The following TAF3 variants were observed in gnomAD, a reference collection of about 807,000 sequenced individuals.
TAF3 encodes transcription initiation factor TFIID subunit 3.
A neutral mutation model predicts 80.6 loss-of-function variants in TAF3; 7 were observed. The ratio of observed to expected loss-of-function variants is 0.09; its 90% CI spans 0.05 to 0.16. The LOEUF is 0.16. Among genes scored for constraint, TAF3 ranks in the 10% least tolerant of loss-of-function variants. TAF3 has a pLI of 1.00. For synonymous variants in TAF3, 444 were observed against 446.1 expected (o/e 1.00, Z 0.06); for missense variants, 921 against 1,140.2 (o/e 0.81, Z 2.77).
At chr10:7,924,947 C>G (rs1186046676) in intron 2 of TAF3, among the ~76,000 whole-genome samples, 2 of 152,100 alleles carry the variant, frequency 1.3e-5, no homozygotes, top group East Asian at 3.8e-4. Flanking sequence ...AGTTTAGTTT[C>G]CTGATACCTT....
chr10:7,843,465 A>C (rs1836939114), intron 2 of TAF3, among the ~76,000 whole-genome samples: 1 of 152,120 alleles, frequency 6.6e-6, no homozygotes, highest in Non-Finnish European at 1.5e-5. Flanking sequence ...ATCTGCTTTT[A>C]GTTGTAGTCA....
chr10:7,927,062 A>T (rs900317842), intron 2 of TAF3, among the ~76,000 whole-genome samples: 2 of 152,230 alleles, frequency 1.3e-5, no homozygotes, highest in Non-Finnish European at 2.9e-5. Context: ...TGGGATAACT[A>T]GGTGACTTAT....
chr10:7,865,627 G>T (rs1310960162), intron 2 of TAF3, among the ~76,000 whole-genome samples: 1 of 152,222 alleles, frequency 6.6e-6, no homozygotes, highest in East Asian at 1.9e-4. Context: ...TAGCAGCCCC[G>T]GCAGGGTGGA....
At chr10:7,820,086 T>C (rs977133583) in intron 1 of TAF3, among the ~76,000 whole-genome samples, 1 of 152,236 alleles carries the variant, frequency 6.6e-6, no homozygotes, top group Non-Finnish European at 1.5e-5. Flanking sequence ...GCTACCTGCC[T>C]TTTCCAAAAT....
chr10:7,878,134 A>G (rs887245252), intron 2 of TAF3, among the ~76,000 whole-genome samples: 1 of 152,216 alleles, frequency 6.6e-6, no homozygotes, highest in Non-Finnish European at 1.5e-5. Context: ...TTAAAACAAT[A>G]CATTTAATCA....
At chr10:7,931,557 T>C (rs1185518124) in intron 2 of TAF3, among the ~76,000 whole-genome samples, 7 of 152,198 alleles carry the variant, frequency 4.6e-5, no homozygotes, top group Non-Finnish European at 8.8e-5. Flanking sequence ...ATAATGAAAC[T>C]GTAAAATAAA....
intron 3 of TAF3, among the ~76,000 whole-genome samples, chr10:7,973,965 T>C: frequency 6.6e-6 from 1 of 151,848 alleles, no homozygotes; most frequent in African/African-American, 2.4e-5. Context: ...CTGTCTCTAA[T>C]ACAAATACAA....
intron 2 of TAF3, among the ~76,000 whole-genome samples, chr10:7,959,037 G>T (rs1838164015): frequency 6.6e-6 from 1 of 151,972 alleles, no homozygotes; most frequent in African/African-American, 2.4e-5. Flanking sequence ...CTACTTGGGA[G>T]GCTGAGGCAG....
chr10:7,876,604 C>T (rs546400957), intron 2 of TAF3, among the ~76,000 whole-genome samples: 5 of 152,174 alleles, frequency 3.3e-5, no homozygotes, highest in African/African-American at 9.6e-5. Context: ...TAGGTGAGCA[C>T]CGTATACAGA....
chr10:7,846,115 C>G (rs958195943), intron 2 of TAF3, among the ~76,000 whole-genome samples: 1 of 151,984 alleles, frequency 6.6e-6, no homozygotes, highest in African/African-American at 2.4e-5. Flanking sequence ...CCCGCCACCA[C>G]GCCTAGCTAA....
chr10:7,996,218 G>A (rs1395109135), intron 4 of TAF3, among the ~76,000 whole-genome samples: 2 of 152,168 alleles, frequency 1.3e-5, no homozygotes, highest in East Asian at 3.9e-4. Flanking sequence ...GGGACCATAG[G>A]CATCCAGAGG....
At position 7,948,443 on chromosome 10, in the gene TAF3, A is replaced by G. The variant is rs75398826; in HGVS notation, c.410-15477A>G. ...TATATGATGGATGTGATAACTTTCT[A>G]TTATTACTCATAGATGGATGAACTG... is the stretch of plus-strand genomic sequence containing the variant. On this transcript the variant is annotated intron_variant, in intron 2 of 6. Transcript: ENST00000344293. Among the ~76,000 whole-genome samples, 837 of 152,252 alleles carry G rather than the reference A, an allele frequency of 5.5e-3. 8 individuals are homozygous for G. The highest frequency in any genetic ancestry group is 0.019 in the African/African-American group (796 of 41,532).
chr10:7,945,655 G>A (rs1270000139), intron 2 of TAF3, among the ~76,000 whole-genome samples: 4 of 151,994 alleles, frequency 2.6e-5, no homozygotes, highest in African/African-American at 4.8e-5. Flanking sequence ...TGTCCCAGCA[G>A]CAAGGGTGTG....
chr10:7,847,357 C>T (rs540385875), intron 2 of TAF3, among the ~76,000 whole-genome samples: 2 of 152,202 alleles, frequency 1.3e-5, no homozygotes, highest in Non-Finnish European at 2.9e-5. Context: ...AGAACCTAGA[C>T]CATCCTGTTC....
rs545733806 is a variant in TAF3, at chr10:7,938,640, A to G, written c.410-25280A>G. On this transcript the variant is annotated intron_variant, in intron 2 of 6. Coordinates refer to ENST00000344293, the MANE Select transcript of TAF3 (RefSeq NM_031923.4). The stretch of plus-strand genomic sequence containing the variant: ...CTGTTGAATTTGAAATGATAGTGAA[A>G]TAGTCAAGCCAAGATGCCTAGTAGG... Among the ~76,000 whole-genome samples, 4 of 152,342 alleles carry G rather than the reference A, an allele frequency of 2.6e-5. No homozygotes were observed. In the East Asian group the frequency reaches 7.7e-4, roughly 29 times the overall value.
At chr10:7,925,815 AAAGAAAAG>A in intron 2 of TAF3, among the ~76,000 whole-genome samples, 1 of 103,930 alleles carries the variant, frequency 9.6e-6, no homozygotes, top group African/African-American at 3.1e-5. Context: ...AAAAAAAAGA[AAAGAAAAG>A]AAAAGAAAAA....
chr10:7,855,885 C>T (rs1360813225), intron 2 of TAF3, among the ~76,000 whole-genome samples: 1 of 151,114 alleles, frequency 6.6e-6, no homozygotes, highest in Non-Finnish European at 1.5e-5. Flanking sequence ...GAGTTTGAGA[C>T]CTGCCTGGCC....
intron 2 of TAF3, among the ~76,000 whole-genome samples, chr10:7,948,383 C>A (rs1838047784): frequency 6.6e-6 from 1 of 152,062 alleles, no homozygotes; most frequent in Admixed American, 6.5e-5. Context: ...ACCAGTGCGC[C>A]CAGCCTTCGT....
chr10:7,821,318 G>A (rs977729800), intron 1 of TAF3, among the ~76,000 whole-genome samples: 2 of 151,962 alleles, frequency 1.3e-5, no homozygotes, highest in African/African-American at 2.4e-5. Context: ...GTAGCTCCAG[G>A]TTACCACTAT....
Sources: allele counts gnomAD v4.1 joint callset (sites outside exome capture counted in the v4.1 genomes callset), GRCh38; gene constraint gnomAD v4.1.1; transcripts MANE v1.5; gene names NCBI Gene and HGNC (gene_info 2026-07-23, HGNC 2026-07-21).